Variants in SIRPD observed in about 807,000 individuals in gnomAD.
SIRPD encodes the protein signal regulatory protein delta, also known as signal-regulatory protein delta.
Under a neutral mutation model 18.0 loss-of-function variants are expected in SIRPD, and 21 were observed. The ratio of observed to expected loss-of-function variants is 1.17; its 90% CI spans 0.83 to 1.68. The LOEUF (loss-of-function observed/expected upper bound fraction) is 1.68. Ranked by LOEUF, SIRPD falls within the 40% of genes most tolerant of loss-of-function variation. The pLI is 0.00. For synonymous variants in SIRPD, 106 were observed against 92.9 expected (o/e 1.14, Z -0.81); for missense variants, 295 against 238.4 (o/e 1.24, Z -1.56).
intron 2 of SIRPD, among the ~76,000 whole-genome samples, chr20:1,546,405 C>T (rs2090993845): frequency 6.6e-6 from 1 of 152,236 alleles, no homozygotes; most frequent in African/African-American, 2.4e-5. Context: ...ATCCATGTTG[C>T]TGCATGTCTT....
At position 1,552,065 on chromosome 20, in the gene SIRPD, C is replaced by G. The variant is rs369940226; in HGVS notation, c.74-27G>C. 32 of 1,591,712 alleles carry G rather than the reference C, an allele frequency of 2.0e-5. No individual in the cohort carries two copies. The South Asian group carries it at 3.4e-4, about 17-fold the overall frequency. On this transcript the variant is annotated intron_variant, in intron 1 of 3. Transcript: ENST00000381623. Reference sequence around the variant, plus strand: ...TGGAAAAAAGCTGAAAATCATTTCTCATTTCCCCTGTTCTGGCTTAAGCAT... The same window carrying G: ...TGGAAAAAAGCTGAAAATCATTTCTGATTTCCCCTGTTCTGGCTTAAGCAT...
At position 1,534,392 on chromosome 20, in the gene SIRPD, G is replaced by A. The variant is rs1202636890; in HGVS notation, c.*33C>T. ...GAGTCAGAAGAGTATGGGGGCTTTTGTTATTTACTTGTACGTTCCTTCCCT... is the reference window on the plus strand; with the variant it reads ...GAGTCAGAAGAGTATGGGGGCTTTTATTATTTACTTGTACGTTCCTTCCCT... On this transcript the variant is annotated 3_prime_UTR_variant, in exon 4 of 4. Transcript: ENST00000381623. 5.0e-6 allele frequency: 8 copies of A among 1,611,764 alleles called. No individual in the cohort carries two copies. In the African/African-American group the frequency reaches 6.7e-5, roughly 13 times the overall value.
At chr20:1,550,526 TA>T (rs1299081411) in intron 2 of SIRPD, among the ~76,000 whole-genome samples, 1 of 152,212 alleles carries the variant, frequency 6.6e-6, no homozygotes, top group Non-Finnish European at 1.5e-5. Context: ...ACAGTCTTGG[TA>T]ACATTAAGCC....
chr20:1,550,507 C>T (rs2091014104), intron 2 of SIRPD, among the ~76,000 whole-genome samples: 1 of 152,194 alleles, frequency 6.6e-6, no homozygotes, highest in African/African-American at 2.4e-5. Context: ...GAGAGAATTT[C>T]AGAGAGCCAC....
At chr20:1,550,134 A>C (rs1222930443) in intron 2 of SIRPD, among the ~76,000 whole-genome samples, 2 of 152,210 alleles carry the variant, frequency 1.3e-5, no homozygotes, top group Non-Finnish European at 2.9e-5. Flanking sequence ...ATAACCTGGA[A>C]GACAAGCCCA....
At chr20:1,549,805 T>C (rs940208146) in intron 2 of SIRPD, among the ~76,000 whole-genome samples, 4 of 152,124 alleles carry the variant, frequency 2.6e-5, no homozygotes, top group Admixed American at 1.3e-4. Flanking sequence ...CCACCCATAG[T>C]GGTCTATTTC....
At chr20:1,545,976 C>A (rs1334004218) in intron 2 of SIRPD, among the ~76,000 whole-genome samples, 1 of 152,228 alleles carries the variant, frequency 6.6e-6, no homozygotes, top group African/African-American at 2.4e-5. Flanking sequence ...TTGCTGCCTG[C>A]TCCTTCCTCT....
chr20:1,539,254 T>A (rs1211171075), intron 2 of SIRPD, among the ~76,000 whole-genome samples: 4 of 152,230 alleles, frequency 2.6e-5, no homozygotes, highest in African/African-American at 9.6e-5. Context: ...GTTATTTAGA[T>A]TATTTCCCAA....
chr20:1,536,490 T>A lies in SIRPD; in HGVS notation c.577+665A>T, dbSNP rs943184613. Among the ~76,000 whole-genome samples the A allele has an allele frequency of 4.0e-5, 6 of 151,420 alleles. 1 individual carries two copies. The South Asian group carries it at 1.3e-3, about 32-fold the overall frequency. On this transcript the variant is annotated intron_variant, in intron 3 of 3. Coordinates refer to ENST00000381623, the MANE Select transcript of SIRPD (RefSeq NM_178460.3). Reference sequence around the variant, plus strand: ...GATGTTAACACCACTGGGAGAAGAATGGTTGCCTCTCCTGACTGTGCAGAT... The same window carrying A: ...GATGTTAACACCACTGGGAGAAGAAAGGTTGCCTCTCCTGACTGTGCAGAT...
chr20:1,548,803 A>G (rs947848770), intron 2 of SIRPD, among the ~76,000 whole-genome samples: 1 of 151,978 alleles, frequency 6.6e-6, no homozygotes, highest in Non-Finnish European at 1.5e-5. Context: ...AGTTGCTAGT[A>G]ATGTTCCTTC....
intron 3 of SIRPD, among the ~76,000 whole-genome samples, chr20:1,536,642 T>C (rs1356348322): frequency 1.3e-5 from 2 of 152,212 alleles, no homozygotes; most frequent in Non-Finnish European, 2.9e-5. Context: ...TTTCTAATAG[T>C]TCTACATTGC....
At chr20:1,550,748 T>G (rs761175793) in intron 2 of SIRPD, among the ~76,000 whole-genome samples, 2 of 152,194 alleles carry the variant, frequency 1.3e-5, no homozygotes, top group Non-Finnish European at 2.9e-5. Flanking sequence ...TTCCCTACTA[T>G]GTACACTCCT....
At chr20:1,552,890 CCATTTTGG>C (rs1333655237) in intron 1 of SIRPD, among the ~76,000 whole-genome samples, 2 of 152,110 alleles carry the variant, frequency 1.3e-5, no homozygotes, top group African/African-American at 4.8e-5. Flanking sequence ...TTTTCCATTG[CCATTTTGG>C]CATTATGGAA....
Position 1,537,069 on chromosome 20 carries a change from G to A in SIRPD, c.577+86C>T, listed in dbSNP as rs377634507. ...GCCCTAGGACAACAGAGATTCATCC[G>A]CCCCACTGCAGGTGGCGAAATGGTA... is the stretch of plus-strand genomic sequence containing the variant. On this transcript the variant is annotated intron_variant, in intron 3 of 3. Coordinates refer to ENST00000381623, the MANE Select transcript of SIRPD (RefSeq NM_178460.3). The A allele has an allele frequency of 3.8e-5, 57 of 1,489,978 alleles. No homozygotes were observed. In the African/African-American group the frequency reaches 6.1e-4, roughly 16 times the overall value. 92.3% of individuals were successfully genotyped at this position (1,489,978 alleles called of 1,614,324 possible). A position where few individuals can be genotyped will look rare whatever the true frequency, so the allele number is the denominator to read the frequency against.
intron 1 of SIRPD, among the ~76,000 whole-genome samples, chr20:1,553,365 T>A (rs2091027401): frequency 6.6e-6 from 1 of 152,130 alleles, no homozygotes; most frequent in Admixed American, 6.6e-5. Context: ...GGAAGGTGAC[T>A]GGGATCATGG....
chr20:1,548,925 G>A (rs574793534), intron 2 of SIRPD, among the ~76,000 whole-genome samples: 3 of 151,892 alleles, frequency 2.0e-5, no homozygotes, highest in Admixed American at 6.6e-5. Context: ...TTTTTCTGCT[G>A]TTTTCTCTTT....
chr20:1,542,224 C>T (rs1315642133), intron 2 of SIRPD, among the ~76,000 whole-genome samples: 2 of 152,118 alleles, frequency 1.3e-5, no homozygotes, highest in East Asian at 3.8e-4. Context: ...CTATAAATTA[C>T]TTTGGGCAGT....
intron 1 of SIRPD, among the ~76,000 whole-genome samples, chr20:1,553,573 C>T (rs1568671019): frequency 6.6e-6 from 1 of 152,170 alleles, no homozygotes; most frequent in Non-Finnish European, 1.5e-5. Context: ...CAGGTTTCTT[C>T]GTAAAACCTT....
chr20:1,553,197 T>C (rs1307665291), intron 1 of SIRPD, among the ~76,000 whole-genome samples: 1 of 152,154 alleles, frequency 6.6e-6, no homozygotes, highest in Non-Finnish European at 1.5e-5. Flanking sequence ...GACCCCTCAT[T>C]CTGGTCTAAG....
Sources: gnomAD v4.1 joint callset for allele counts (sites outside exome capture counted in the v4.1 genomes callset) on GRCh38, gnomAD v4.1.1 for gene constraint, MANE v1.5 for transcripts, NCBI Gene and HGNC (gene_info 2026-07-23, HGNC 2026-07-21) for gene names.